The following REV1 variants were observed in gnomAD, a reference collection of about 807,000 sequenced individuals.
REV1 encodes the protein translesion synthesis protein REV1.
REV1 carries 42 observed loss-of-function variants against 137.4 expected under a neutral mutation model. That is an observed-to-expected ratio of 0.31 (90% confidence interval 0.24 to 0.40). The LOEUF (loss-of-function observed/expected upper bound fraction) is 0.40, where lower values mean the gene tolerates loss of function less well. Ranked by LOEUF, REV1 falls within the 10% of genes least tolerant of loss-of-function variation. The probability of loss-of-function intolerance (pLI) is 1.00; values close to 1 mark genes in which losing one functional copy is unlikely to be tolerated. For synonymous variants in REV1, 524 were observed against 519.2 expected (o/e 1.01, Z -0.12); for missense variants, 1,282 against 1,490.1 (o/e 0.86, Z 2.30).
chr2:99,419,016 T>G, intron 11 of REV1, 69 bp from the exon 12 acceptor site: 1 of 1,223,886 alleles, frequency 8.2e-7, no homozygotes, highest in Non-Finnish European at 1.2e-6. Context: ...AAAGATCTCT[T>G]CATACAGGTT....
intron 10 of REV1, among the ~76,000 whole-genome samples, chr2:99,423,023 C>A (rs1489676867): frequency 6.6e-6 from 1 of 152,192 alleles, no homozygotes; most frequent in Non-Finnish European, 1.5e-5. Flanking sequence ...AGTTACCCAA[C>A]TTATAACTGG....
At chr2:99,417,396 G>C (rs987494871) in intron 12 of REV1, among the ~76,000 whole-genome samples, 3 of 151,948 alleles carry the variant, frequency 2.0e-5, no homozygotes, top group African/African-American at 7.3e-5. Flanking sequence ...CATCTGCCTC[G>C]GCCTCCCACA....
At chr2:99,409,970 G>A (rs1302811658) in intron 14 of REV1, among the ~76,000 whole-genome samples, 1 of 150,526 alleles carries the variant, frequency 6.6e-6, no homozygotes, top group Non-Finnish European at 1.5e-5. Context: ...AAATGAAGTT[G>A]CTCTCCTTCA....
In REV1 at chr2:99,487,527, A is replaced by G. The variant is rs576180712; in HGVS notation, c.-11+2290T>C. 4.9e-4 allele frequency among the ~76,000 whole-genome samples: 58 copies of G among 118,962 alleles called. 16 individuals carry two copies. The highest frequency in any genetic ancestry group is 1.7e-3 in the African/African-American group (55 of 33,286). The allele number at this position is 118,962 out of a possible 152,430, so 78.0% of individuals were successfully genotyped here. A position where few individuals can be genotyped will look rare whatever the true frequency, so the allele number is the denominator to read the frequency against. On this transcript the variant is annotated intron_variant, in intron 1 of 22. Transcript: ENST00000258428. ...AAGAGCCTGCAACCTAATTGCCTCT[A>G]AAGAGCCTTTTTAATATCCCTTTTC...
intron 9 of REV1, among the ~76,000 whole-genome samples, chr2:99,425,835 G>A (rs1395547561): frequency 1.3e-5 from 2 of 151,562 alleles, no homozygotes; most frequent in East Asian, 2.0e-4. Context: ...GGGGGAGTTC[G>A]AGACCACCCT....
intron 1 of REV1, among the ~76,000 whole-genome samples, chr2:99,483,017 CAA>C (rs540388372): frequency 3.5e-4 from 37 of 104,776 alleles, no homozygotes; most frequent in Non-Finnish European, 5.4e-4. Flanking sequence ...AACTCCGTTT[CAA>C]AAAAAAAAAA....
At position 99,446,003 on chromosome 2, in the gene REV1, CATT is replaced by C. The variant is rs369069898; in HGVS notation, c.350+3330_350+3332del. Among the ~76,000 whole-genome samples, 390 of 152,280 alleles carry C rather than the reference CATT, an allele frequency of 2.6e-3. 1 individual carries two copies. The highest frequency in any genetic ancestry group is 8.9e-3 in the African/African-American group (371 of 41,558). ...AAAATTTTTAAGTATAATAAAATCT[CATT>C]AAAACACAGCTAAGAAGAGATCAAC... On this transcript the variant is annotated intron_variant, in intron 4 of 22. Coordinates refer to ENST00000258428, the MANE Select transcript of REV1 (RefSeq NM_016316.4).
intron 10 of REV1, among the ~76,000 whole-genome samples, chr2:99,422,639 G>A (rs971604912): frequency 6.6e-6 from 1 of 152,230 alleles, no homozygotes; most frequent in African/African-American, 2.4e-5. Context: ...GCTGCCCTGA[G>A]ACAGGGAGAA....
At chr2:99,465,873 TAAC>T (rs753318319) in intron 1 of REV1, among the ~76,000 whole-genome samples, 17 of 152,196 alleles carry the variant, frequency 1.1e-4, no homozygotes, top group Non-Finnish European at 1.9e-4. Context: ...ATTTTTTACT[TAAC>T]AACACCTTAA....
rs1675380777 is a variant in REV1 at position 99,401,412 on chromosome 2, A to G, written c.3645-60T>C. 4 of 1,044,924 alleles carry G rather than the reference A, an allele frequency of 3.8e-6. No homozygotes were observed. In the East Asian group the frequency reaches 7.5e-5, roughly 20 times the overall value. The allele number at this position is 1,044,924 out of a possible 1,614,324, so 64.7% of individuals were successfully genotyped here. ...TTAGGAAAGGTCCTTAAGACTAATT[A>G]TTCCTTTTTATATATAAAAATTGAC... On this transcript the variant is annotated intron_variant, in intron 22 of 22. Coordinates refer to ENST00000258428, the MANE Select transcript of REV1 (RefSeq NM_016316.4).
rs1305597421 is a variant in REV1 at position 99,462,674 on chromosome 2, C to A, written c.55-52G>T. 3 of 1,563,136 alleles carry A rather than the reference C, an allele frequency of 1.9e-6. No homozygotes were observed. In the African/African-American group the frequency reaches 4.2e-5, roughly 22 times the overall value. On this transcript the variant is annotated intron_variant, in intron 2 of 22. Transcript: ENST00000258428. ...TCACAAAGGTTACATTTTCTCCCCCCTTTTTTGAAAAAAAAAAATTTTAAA... is the reference window on the plus strand; with the variant it reads ...TCACAAAGGTTACATTTTCTCCCCCATTTTTTGAAAAAAAAAAATTTTAAA...
At chr2:99,436,348 T>G (rs1680747446) in intron 6 of REV1, among the ~76,000 whole-genome samples, 1 of 152,074 alleles carries the variant, frequency 6.6e-6, no homozygotes, top group Non-Finnish European at 1.5e-5. Flanking sequence ...TGTTAAGAGG[T>G]TTATGTGTAT....
In REV1 at chr2:99,424,242, G is replaced by C; in HGVS notation, c.1586C>G (p.Ala529Gly). The C allele has an allele frequency of 6.2e-7, 1 of 1,613,802 alleles. No individual in the cohort carries two copies. The highest frequency in any genetic ancestry group is 8.5e-7 in the Non-Finnish European group (1 of 1,179,842). Residue 529 changes from alanine to glycine, a missense_variant, in exon 10 of 23, where the codon GCT becomes GGT. Physicochemically the swap from Ala to Gly is moderately conservative, Grantham distance 60. Transcript: ENST00000258428. ...GIKNGMFFGH[A>G]KQLCPNLQAV... ...TTGAAGATTAGGACATAGTTGTTTAGCATGCCCAAAAAACATTCCGTTCTT... is the reference window on the plus strand; with the variant it reads ...TTGAAGATTAGGACATAGTTGTTTACCATGCCCAAAAAACATTCCGTTCTT...
chr2:99,457,237 C>A (rs556106002), intron 3 of REV1, among the ~76,000 whole-genome samples: 2 of 152,234 alleles, frequency 1.3e-5, no homozygotes, highest in South Asian at 4.1e-4. Flanking sequence ...TCTGTTCAAT[C>A]AACTAAAGAA....
intron 3 of REV1, among the ~76,000 whole-genome samples, chr2:99,450,323 C>T (rs1033134584): frequency 6.6e-6 from 1 of 152,134 alleles, no homozygotes; most frequent in East Asian, 1.9e-4. Flanking sequence ...CATATTATGG[C>T]CTGCATTACT....
At chr2:99,432,018 G>C (rs1443390196) in intron 8 of REV1, 1 of 577,900 alleles carries the variant, frequency 1.7e-6, no homozygotes, top group Non-Finnish European at 2.2e-6. Context: ...AATGAAAACT[G>C]AAGTTGTCGA....
chr2:99,483,152 G>A (rs1686801050), intron 1 of REV1, among the ~76,000 whole-genome samples: 1 of 151,796 alleles, frequency 6.6e-6, no homozygotes. Flanking sequence ...AAAAGCTAAG[G>A]AGTCATCAAG....
At chr2:99,424,760 C>T in intron 9 of REV1, 1 of 1,302,832 alleles carries the variant, frequency 7.7e-7, no homozygotes, top group Non-Finnish European at 1.0e-6. Context: ...ACAAAATGTA[C>T]TCATCCTATT....
intron 13 of REV1, among the ~76,000 whole-genome samples, chr2:99,411,962 A>C (rs780053996): frequency 4.0e-5 from 6 of 151,782 alleles, no homozygotes; most frequent in Non-Finnish European, 7.4e-5. Context: ...AGCCGGGCGC[A>C]GTGGCTCACA....
Sources: gnomAD v4.1 joint callset for allele counts (sites outside exome capture counted in the v4.1 genomes callset) on GRCh38, gnomAD v4.1.1 for gene constraint, MANE v1.5 for transcripts, NCBI Gene and HGNC (gene_info 2026-07-23, HGNC 2026-07-21) for gene names.